Variants in BRD3 observed in about 807,000 individuals in gnomAD.
BRD3 encodes bromodomain containing 3, also known as bromodomain-containing protein 3.
A neutral mutation model predicts 66.8 loss-of-function variants in BRD3; 17 were observed. That is an observed-to-expected ratio of 0.25 (90% CI 0.17 to 0.38). The LOEUF is 0.38. Among genes scored for constraint, BRD3 ranks in the 10% least tolerant of loss-of-function variants. The probability of loss-of-function intolerance (pLI) is 1.00; values close to 1 mark genes in which losing one functional copy is unlikely to be tolerated. For missense variants in BRD3, 713 were observed against 956.1 expected, an observed-to-expected ratio of 0.75 and a Z score of 3.35; for synonymous variants, 421 against 393.2, an observed-to-expected ratio of 1.07 and a Z score of -0.84.
intron 1 of BRD3, among the ~76,000 whole-genome samples, chr9:134,063,944 G>T (rs968687536): frequency 6.6e-6 from 1 of 152,190 alleles, no homozygotes; most frequent in Non-Finnish European, 1.5e-5. Flanking sequence ...GACGAACTCA[G>T]TACCTTGGGG....
chr9:134,030,943 G>A lies in BRD3; in HGVS notation c.*2647C>T, dbSNP rs1843502921. On this transcript the variant is annotated 3_prime_UTR_variant, in exon 12 of 12. Coordinates refer to ENST00000303407, the MANE Select transcript of BRD3 (RefSeq NM_007371.4). ...GCTGCCCTACAGGTCTCAGCAGTGG[G>A]ACAATCTAATTGAATCACCGCAGCC... is the stretch of plus-strand genomic sequence containing the variant. 1 of 231,554 alleles carries A rather than the reference G, an allele frequency of 4.3e-6. No individual in the cohort carries two copies. The highest frequency in any genetic ancestry group is 8.5e-6 in the Non-Finnish European group (1 of 116,984). 14.3% of individuals were successfully genotyped at this position (231,554 alleles called of 1,614,324 possible).
chr9:134,051,881 T>TGTGTGTGTGTGTG (rs1564555879), intron 3 of BRD3, among the ~76,000 whole-genome samples, 172 bp from the exon 4 acceptor site: 2 of 51,788 alleles, frequency 3.9e-5, no homozygotes, highest in Admixed American at 1.7e-4. Context: ...GTGTGTGTTG[T>TGTGTGTGTGTGTG]TTTTTTTGTT....
rs1156326220 is a variant in BRD3, at chr9:134,031,865, C to T, written c.*1725G>A. On this transcript the variant is annotated 3_prime_UTR_variant, in exon 12 of 12. Coordinates refer to ENST00000303407, the MANE Select transcript of BRD3 (RefSeq NM_007371.4). ...CAGCGTCTGCCTGGAGGCTCCCCCA[C>T]GCTGAGGTCCGGGAGAATGCCTGGT... 23 of 222,600 alleles carry T rather than the reference C, an allele frequency of 1.0e-4. No homozygotes were observed. Among genetic ancestry groups the T allele is most frequent in the Non-Finnish European group, 1.7e-4 (19 of 111,242 alleles). The allele number at this position is 222,600 out of a possible 1,614,324, so 13.8% of individuals were successfully genotyped here.
chr9:134,066,211 G>A (rs1387407326), intron 1 of BRD3, among the ~76,000 whole-genome samples: 1 of 152,126 alleles, frequency 6.6e-6, no homozygotes, highest in Non-Finnish European at 1.5e-5. Context: ...GAGGCACCGG[G>A]CCTCTGAGGC....
At chr9:134,044,623 C>T (rs932522408) in intron 7 of BRD3, among the ~76,000 whole-genome samples, 6 of 152,180 alleles carry the variant, frequency 3.9e-5, no homozygotes, top group African/African-American at 1.4e-4. Context: ...CTGGCACATC[C>T]ACCCACACCA....
At chr9:134,053,709 A>C in intron 1 of BRD3, 119 bp from the exon 2 acceptor site, 4 of 879,568 alleles carry the variant, frequency 4.5e-6, no homozygotes, top group Non-Finnish European at 3.3e-6. Flanking sequence ...TGCTCCACTC[A>C]CTCACCCCCA....
Position 134,030,781 on chromosome 9 carries a change from C to A in BRD3, c.*2809G>T, listed in dbSNP as rs1843500213. ...GTAAGCAAGATGACACTGCCCAACA[C>A]AAAGAGGGGTCTGGAGTTCAGTTCA... On this transcript the variant is annotated 3_prime_UTR_variant, in exon 12 of 12. Transcript: ENST00000303407. 4.3e-6 allele frequency: 1 copy of A among 232,296 alleles called. No homozygotes were observed. The highest frequency in any genetic ancestry group is 8.5e-6 in the Non-Finnish European group (1 of 117,470). The allele number at this position is 232,296 out of a possible 1,614,324, so 14.4% of individuals were successfully genotyped here.
In BRD3 at chr9:134,031,505, G is replaced by A. The variant is rs953629277; in HGVS notation, c.*2085C>T. ...TTTAGAAAATACCTTTGAAAACGAG[G>A]GTAACTTTAAAAAATGGAAACTTTC... On this transcript the variant is annotated 3_prime_UTR_variant, in exon 12 of 12. Transcript: ENST00000303407. The A allele has an allele frequency of 2.0e-5, 4 of 201,170 alleles. No homozygotes were observed. Among genetic ancestry groups the A allele is most frequent in the African/African-American group, 2.3e-5 (1 of 43,414 alleles). The allele number at this position is 201,170 out of a possible 1,614,324, so 12.5% of individuals were successfully genotyped here. A position where few individuals can be genotyped will look rare whatever the true frequency, so the allele number is the denominator to read the frequency against.
At chr9:134,048,516 G>A (rs1830224743) in intron 5 of BRD3, 62 bp from the exon 6 acceptor site, 2 of 1,588,758 alleles carry the variant, frequency 1.3e-6, no homozygotes, top group South Asian at 1.1e-5. Context: ...GCATGTCGCT[G>A]CAGCCGCGTT....
chr9:134,062,891 G>A (rs1204031689), intron 1 of BRD3, among the ~76,000 whole-genome samples: 1 of 152,236 alleles, frequency 6.6e-6, no homozygotes, highest in Non-Finnish European at 1.5e-5. Context: ...TTAGAGGGAA[G>A]GAGACACCGT....
chr9:134,058,045 A>T (rs1360131747), intron 1 of BRD3: 1 of 152,280 alleles, frequency 6.6e-6, no homozygotes, highest in Non-Finnish European at 1.5e-5. Context: ...GCACACCAGG[A>T]TTCACAGCCC....
intron 5 of BRD3, 43 bp downstream of exon 5, chr9:134,050,331 G>GC (rs779764317): frequency 1.9e-6 from 3 of 1,572,030 alleles, no homozygotes; most frequent in Non-Finnish European, 2.6e-6. Flanking sequence ...AGGAACCCTG[G>GC]CCGGGCTCAG....
rs185214046 is a variant in BRD3, at chr9:134,050,033, G to A, written c.714+341C>T. Among the ~76,000 whole-genome samples, 28 of 152,344 alleles carry A rather than the reference G, an allele frequency of 1.8e-4. No individual in the cohort carries two copies. In the East Asian group the frequency reaches 2.5e-3, roughly 14 times the overall value. Reference sequence around the variant, plus strand: ...TAGGTACAGCTGGCACCACTCTCCTGAGTGTGAGCAGGGGAGGACCGGGAC... The same window carrying A: ...TAGGTACAGCTGGCACCACTCTCCTAAGTGTGAGCAGGGGAGGACCGGGAC... On this transcript the variant is annotated intron_variant, in intron 5 of 11. Coordinates refer to ENST00000303407, the MANE Select transcript of BRD3 (RefSeq NM_007371.4).
In BRD3 at chr9:134,043,519, A is replaced by G. The variant is rs527837991; in HGVS notation, c.1216-1568T>C. ...CTGGAGAAGCCCACCCCAGGCTCTC[A>G]TATCCCAGGCTCTCCTCTCAGGAGA... On this transcript the variant is annotated intron_variant, in intron 7 of 11. Transcript: ENST00000303407. 2.0e-5 allele frequency among the ~76,000 whole-genome samples: 3 copies of G among 152,300 alleles called. No homozygotes were observed. In the South Asian group the frequency reaches 6.2e-4, roughly 32 times the overall value.
intron 1 of BRD3, among the ~76,000 whole-genome samples, chr9:134,059,228 A>T (rs1411188175): frequency 6.6e-6 from 1 of 152,212 alleles, no homozygotes; most frequent in Non-Finnish European, 1.5e-5. Flanking sequence ...AGCTGCTCAG[A>T]GGGAAGAGGG....
chr9:134,051,882 T>G (rs1463839519), intron 3 of BRD3, among the ~76,000 whole-genome samples, 173 bp from the exon 4 acceptor site: 2,262 of 56,358 alleles, frequency 0.04, 116 homozygotes, highest in African/African-American at 0.15. Flanking sequence ...TGTGTGTTGT[T>G]TTTTTTGTTT....
intron 9 of BRD3, among the ~76,000 whole-genome samples, chr9:134,036,925 C>T (rs1262067752): frequency 1.3e-5 from 2 of 151,956 alleles, no homozygotes; most frequent in Admixed American, 6.6e-5. Flanking sequence ...GCAGGAGAAT[C>T]GCTTGAACCA....
Position 134,031,439 on chromosome 9 carries a change from G to C in BRD3, c.*2151C>G, listed in dbSNP as rs1843511207. ...TGAAGACCTGTCAACTGTCGTGTGT[G>C]AATTCCTTAAATTCGGTTTAAATAG... On this transcript the variant is annotated 3_prime_UTR_variant, in exon 12 of 12. Transcript: ENST00000303407. 1 of 206,378 alleles carries C rather than the reference G, an allele frequency of 4.8e-6. No homozygotes were observed. The highest frequency in any genetic ancestry group is 1.9e-4 in the South Asian group (1 of 5,280). 12.8% of individuals were successfully genotyped at this position (206,378 alleles called of 1,614,324 possible).
intron 6 of BRD3, 97 bp downstream of exon 6, chr9:134,047,986 C>T (rs1830211153): frequency 2.1e-6 from 3 of 1,416,522 alleles, no homozygotes; most frequent in Non-Finnish European, 2.8e-6. Flanking sequence ...CGAGACCCTG[C>T]TCCCCGACAG....
Sources: allele counts gnomAD v4.1 joint callset (sites outside exome capture counted in the v4.1 genomes callset), GRCh38; gene constraint gnomAD v4.1.1; transcripts MANE v1.5; gene names NCBI Gene and HGNC (gene_info 2026-07-23, HGNC 2026-07-21).